The following HGS variants were observed in gnomAD, a reference collection of about 807,000 sequenced individuals.
HGS encodes the protein hepatocyte growth factor-regulated tyrosine kinase substrate, also known as human growth factor-regulated tyrosine kinase substrate.
HGS carries 63 observed loss-of-function variants against 109.7 expected under a neutral mutation model. The observed-to-expected ratio is 0.57, with a 90% CI of 0.47 to 0.71. The LOEUF is 0.71. HGS is among the 30% of genes least tolerant of loss of function. HGS has a pLI of 0.00. For missense variants in HGS, 995 were observed against 1,068.3 expected (o/e 0.93, Z 0.96); for synonymous variants, 546 against 437.3 (o/e 1.25, Z -3.10).
intron 10 of HGS, 37 bp from the exon 11 acceptor site, chr17:81,693,833 G>T: frequency 6.4e-7 from 1 of 1,566,434 alleles, no homozygotes; most frequent in Admixed American, 1.8e-5. Flanking sequence ...GGGGCGTCAC[G>T]TGCACCCAAG....
chr17:81,696,300 A>G, intron 15 of HGS, 57 bp from the exon 16 acceptor site: 1 of 1,471,712 alleles, frequency 6.8e-7, no homozygotes, highest in Non-Finnish European at 9.0e-7. Context: ...CGTTCCACCC[A>G]GGAGCTTCTC....
chr17:81,695,754 C>T (rs541795389), intron 14 of HGS, 32 bp from the exon 15 acceptor site: 25 of 1,605,948 alleles, frequency 1.6e-5, no homozygotes, highest in Middle Eastern at 1.7e-4. Flanking sequence ...GGGGCGTGGC[C>T]GCACTCATCC....
At chr17:81,693,413 A>T (rs1042823574) in intron 8 of HGS, 90 bp from the exon 9 acceptor site, 44 of 935,414 alleles carry the variant, frequency 4.7e-5, no homozygotes, top group Non-Finnish European at 7.6e-5. Context: ...GGGGACACTT[A>T]GAGGAGCCCG....
chr17:81,684,679 A>G (rs960768467), intron 1 of HGS, among the ~76,000 whole-genome samples: 1 of 152,124 alleles, frequency 6.6e-6, no homozygotes, highest in Non-Finnish European at 1.5e-5. Context: ...GCCTCCTGGA[A>G]TTGACGCGTT....
intron 10 of HGS, 47 bp from the exon 11 acceptor site, chr17:81,693,823 G>T: frequency 1.3e-6 from 2 of 1,563,976 alleles, no homozygotes. Flanking sequence ...TGGGGCCGGA[G>T]GGGCGTCACG....
chr17:81,693,617 C>T (rs2144496291), intron 9 of HGS, 36 bp downstream of exon 9: 1 of 1,539,234 alleles, frequency 6.5e-7, no homozygotes, highest in Non-Finnish European at 8.9e-7. Context: ...GCACCTCTTC[C>T]CCGGCGCCCC....
At chr17:81,684,200 CGGCCGCCCT>C in intron 1 of HGS, 97 bp downstream of exon 1, 1 of 1,125,536 alleles carries the variant, frequency 8.9e-7, no homozygotes, top group Non-Finnish European at 1.2e-6. Flanking sequence ...GGGCGCGGAC[CGGCCGCCCT>C]GCCCGCCTCT....
rs765176981 is a variant in HGS at position 81,684,114 on chromosome 17, C to T, written c.37+11C>T. ...TCGAGCGTCTCCTAGGTAACGCGTC[C>T]CCACCCGACGGCTCGGCCTTGGTCA... On this transcript the variant is annotated intron_variant, in intron 1 of 21. Coordinates refer to ENST00000329138, the MANE Select transcript of HGS (RefSeq NM_004712.5). 3 of 1,573,712 alleles carry T rather than the reference C, an allele frequency of 1.9e-6. No homozygotes were observed. Among genetic ancestry groups the T allele is most frequent in the South Asian group, 1.2e-5 (1 of 86,254 alleles).
At chr17:81,684,288 C>T in intron 1 of HGS, 185 bp downstream of exon 1, 1 of 458,022 alleles carries the variant, frequency 2.2e-6, no homozygotes, top group Non-Finnish European at 3.5e-6. Context: ...GTGGGGTCGG[C>T]GTCCGTCGGG....
chr17:81,688,220 G>A (rs2037010509), intron 4 of HGS, among the ~76,000 whole-genome samples: 1 of 152,192 alleles, frequency 6.6e-6, no homozygotes, highest in Admixed American at 6.5e-5. Flanking sequence ...CGGGGGAGAG[G>A]ATGGCTGCAG....
chr17:81,693,459 C>A, intron 8 of HGS, 44 bp from the exon 9 acceptor site: 1 of 1,442,840 alleles, frequency 6.9e-7, no homozygotes, highest in Non-Finnish European at 9.7e-7. Context: ...GGGGGCAGGG[C>A]GGTGTCAGCG....
chr17:81,701,805 C>T lies in HGS; in HGVS notation c.*187C>T, dbSNP rs1673801557. 2 of 827,156 alleles carry T rather than the reference C, an allele frequency of 2.4e-6. No homozygotes were observed. The highest frequency in any genetic ancestry group is 3.5e-6 in the Non-Finnish European group (2 of 572,016). 51.2% of individuals were successfully genotyped at this position (827,156 alleles called of 1,614,324 possible). On this transcript the variant is annotated 3_prime_UTR_variant, in exon 22 of 22. Transcript: ENST00000329138. ...AGCCTACTGCAGTCCCTGAGTTAGT[C>T]TCTGCTTTCTTTCCCCAGGGCTGGG...
rs749933257 is a variant in HGS, at chr17:81,695,061, G to C, written c.1113G>C (p.Val371=). 3.1e-6 allele frequency: 5 copies of C among 1,613,096 alleles called. No individual in the cohort carries two copies. Among genetic ancestry groups the C allele is most frequent in the Non-Finnish European group, 4.2e-6 (5 of 1,179,270 alleles). ...PGEGHAAPTN[V]VENPLPETDS... is the part of the protein sequence containing the mutation. Reference sequence around the variant, plus strand: ...AAGGGCACGCAGCCCCCACCAACGTGGTGGAGGTGAGGGGGCCACTCCCGG... The same window carrying C: ...AAGGGCACGCAGCCCCCACCAACGTCGTGGAGGTGAGGGGGCCACTCCCGG... Residue 371 remains valine, a synonymous_variant, in exon 13 of 22, where the codon GTG becomes GTC. Transcript: ENST00000329138.
At position 81,695,871 on chromosome 17, in the gene HGS, G is replaced by A; in HGVS notation, c.1265G>A (p.Arg422His). The A allele has an allele frequency of 6.2e-7, 1 of 1,613,400 alleles. No individual in the cohort carries two copies. Among genetic ancestry groups the A allele is most frequent in the Non-Finnish European group, 8.5e-7 (1 of 1,179,880 alleles). ...LQNAVTTFVN[R>H]MKSNHMRGRS... ...AACGCCGTCACCACCTTCGTGAACC[G>A]CATGAAGAGTAACCACATGCGGGGC... The change falls in exon 15 of 22, where the codon CGC (arginine) becomes CAC (histidine). Residue 422 changes from arginine to histidine, a missense_variant. Arg to His is a conservative substitution (Grantham distance 29). Coordinates refer to ENST00000329138, the MANE Select transcript of HGS (RefSeq NM_004712.5).
rs572248532 is a variant in HGS at position 81,688,138 on chromosome 17, G to A, written c.292-566G>A. 7.2e-4 allele frequency among the ~76,000 whole-genome samples: 109 copies of A among 151,890 alleles called. 2 individuals are homozygous for A. In the South Asian group the frequency reaches 0.014, roughly 20 times the overall value. ...TGCTTGCAGCAGCCTCTGATCGCAC[G>A]CCGTCCTGCACGTCACACCGGGACG... is the stretch of plus-strand genomic sequence containing the variant. On this transcript the variant is annotated intron_variant, in intron 4 of 21. Coordinates refer to ENST00000329138, the MANE Select transcript of HGS (RefSeq NM_004712.5).
chr17:81,695,606 TG>T, intron 14 of HGS, 179 bp from the exon 15 acceptor site: 1 of 633,134 alleles, frequency 1.6e-6, no homozygotes, highest in Non-Finnish European at 2.8e-6. Flanking sequence ...GGCTTGCAGC[TG>T]GACAAGGACC....
At chr17:81,689,275 G>C (rs1169534719) in intron 5 of HGS, among the ~76,000 whole-genome samples, 1 of 152,238 alleles carries the variant, frequency 6.6e-6, no homozygotes, top group Admixed American at 6.5e-5. Context: ...CGTGCCAGAG[G>C]AGAGTGCAGC....
intron 1 of HGS, chr17:81,684,363 C>T (rs994994292): frequency 2.9e-6 from 1 of 348,040 alleles, no homozygotes; most frequent in African/African-American, 2.1e-5. Flanking sequence ...GACCTCGCTC[C>T]TCCGCGGGCC....
intron 1 of HGS, 50 bp from the exon 2 acceptor site, chr17:81,685,554 CG>C: frequency 7.4e-7 from 1 of 1,354,028 alleles, no homozygotes; most frequent in Non-Finnish European, 1.0e-6. Flanking sequence ...GGGTGCTGCA[CG>C]GGGCGTCCAG....
Sources: allele counts gnomAD v4.1 joint callset (sites outside exome capture counted in the v4.1 genomes callset), GRCh38; gene constraint gnomAD v4.1.1; transcripts MANE v1.5; gene names NCBI Gene and HGNC (gene_info 2026-07-23, HGNC 2026-07-21).